SNRNP48: variants seen among roughly 807,000 people sequenced by gnomAD.
SNRNP48 encodes the protein small nuclear ribonucleoprotein U11/U12 subunit 48.
SNRNP48 carries 43 observed loss-of-function variants against 47.0 expected under a neutral mutation model. That is an observed-to-expected ratio of 0.92 (90% CI 0.72 to 1.18). The LOEUF (loss-of-function observed/expected upper bound fraction) is 1.18, where lower values mean the gene tolerates loss of function less well. Among genes scored for constraint, SNRNP48 ranks in the 50% most tolerant of loss-of-function variants. The pLI, the probability that SNRNP48 is intolerant of heterozygous loss-of-function variation, is 0.00. For synonymous variants in SNRNP48, 138 were observed against 144.0 expected, an observed-to-expected ratio of 0.96 and a Z score of 0.30; for missense variants, 396 against 422.2, an observed-to-expected ratio of 0.94 and a Z score of 0.54.
rs1760189885 is a variant in SNRNP48 at position 7,609,315 on chromosome 6, T to C, written c.*442T>C. 1 of 152,394 alleles carries C rather than the reference T, an allele frequency of 6.6e-6. No individual in the cohort carries two copies. The highest frequency in any genetic ancestry group is 2.1e-4 in the South Asian group (1 of 4,822). 9.4% of individuals were successfully genotyped at this position (152,394 alleles called of 1,614,324 possible). On this transcript the variant is annotated 3_prime_UTR_variant, in exon 9 of 9. Coordinates refer to ENST00000342415, the MANE Select transcript of SNRNP48 (RefSeq NM_152551.4). Reference sequence around the variant, plus strand: ...TGTTTACCACTACACTGGTGAATTGTAGTAGGGAAAAACAATCTAAATATT... The same window carrying C: ...TGTTTACCACTACACTGGTGAATTGCAGTAGGGAAAAACAATCTAAATATT...
intron 5 of SNRNP48, 37 bp downstream of exon 5, chr6:7,601,561 T>G: frequency 6.7e-7 from 1 of 1,492,980 alleles, no homozygotes; most frequent in East Asian, 2.4e-5. Context: ...ATTTCTTCAT[T>G]ATCATTTTAT....
chr6:7,599,389 G>C (rs191352608), intron 4 of SNRNP48, among the ~76,000 whole-genome samples: 1 of 152,218 alleles, frequency 6.6e-6, no homozygotes, highest in East Asian at 1.9e-4. Context: ...TCTCTGAACA[G>C]TACACTGAAA....
intron 8 of SNRNP48, among the ~76,000 whole-genome samples, 171 bp from the exon 9 acceptor site, chr6:7,608,654 T>C (rs1422672400): frequency 6.6e-6 from 1 of 152,186 alleles, no homozygotes; most frequent in East Asian, 1.9e-4. Context: ...AATTCTGCTT[T>C]AAAATTAACT....
At chr6:7,591,838 G>A (rs1005931785) in intron 1 of SNRNP48, among the ~76,000 whole-genome samples, 14 of 152,204 alleles carry the variant, frequency 9.2e-5, no homozygotes, top group Admixed American at 5.2e-4. Context: ...TAGGATTTCC[G>A]CCGGTGTTTT....
In SNRNP48 at chr6:7,600,084, G is replaced by A. The variant is rs1039477737; in HGVS notation, c.407-1252G>A. 2.7e-5 allele frequency: 27 copies of A among 996,072 alleles called. No individual in the cohort carries two copies. The African/African-American group carries it at 3.7e-4, about 14-fold the overall frequency. 61.7% of individuals were successfully genotyped at this position (996,072 alleles called of 1,614,324 possible). A position where few individuals can be genotyped will look rare whatever the true frequency, so the allele number is the denominator to read the frequency against. On this transcript the variant is annotated intron_variant, in intron 4 of 8. Coordinates refer to ENST00000342415, the MANE Select transcript of SNRNP48 (RefSeq NM_152551.4). ...TTTTTATAATTTTGTATTATGAAAT[G>A]CCTACTATAATTAGAATAAAATTGA...
intron 4 of SNRNP48, among the ~76,000 whole-genome samples, chr6:7,598,497 A>G (rs1473198816): frequency 2.6e-5 from 4 of 152,082 alleles, no homozygotes; most frequent in Admixed American, 2.6e-4. Flanking sequence ...TCTGTCTCAA[A>G]AAAAGAAAAA....
chr6:7,606,988 C>T (rs1452458207), intron 8 of SNRNP48, among the ~76,000 whole-genome samples: 1 of 152,180 alleles, frequency 6.6e-6, no homozygotes, highest in Non-Finnish European at 1.5e-5. Flanking sequence ...ATTCCATTCC[C>T]TTGTATACTG....
chr6:7,590,879 G>T (rs887649192), intron 1 of SNRNP48, among the ~76,000 whole-genome samples: 3 of 152,160 alleles, frequency 2.0e-5, no homozygotes, highest in Non-Finnish European at 4.4e-5. Flanking sequence ...TTGGGAGGCT[G>T]GGGTGGAAGG....
At chr6:7,607,972 C>T (rs1239992416) in intron 8 of SNRNP48, among the ~76,000 whole-genome samples, 1 of 152,172 alleles carries the variant, frequency 6.6e-6, no homozygotes, top group Non-Finnish European at 1.5e-5. Context: ...TTTATAATAA[C>T]TATAGTGCTT....
At chr6:7,590,436 C>T (rs1759795127) in intron 1 of SNRNP48, 23 bp downstream of exon 1, 3 of 1,279,682 alleles carry the variant, frequency 2.3e-6, no homozygotes, top group Middle Eastern at 2.0e-4. Flanking sequence ...GCCGCGGGGC[C>T]CTTTCGGGGA....
At chr6:7,608,362 GC>G (rs1346107671) in intron 8 of SNRNP48, among the ~76,000 whole-genome samples, 1 of 152,130 alleles carries the variant, frequency 6.6e-6, no homozygotes, top group East Asian at 1.9e-4. Context: ...TTCGAGACCA[GC>G]CTGGTCAACA....
chr6:7,602,059 G>T (rs1280845536), intron 5 of SNRNP48, among the ~76,000 whole-genome samples: 1 of 152,008 alleles, frequency 6.6e-6, no homozygotes, highest in Non-Finnish European at 1.5e-5. Flanking sequence ...TTGCTACGCT[G>T]GCCAGGCTGG....
rs1760117574 is a variant in SNRNP48, at chr6:7,606,013, T to G, written c.807-18T>G. 4 of 1,586,990 alleles carry G rather than the reference T, an allele frequency of 2.5e-6. No individual in the cohort carries two copies. Among genetic ancestry groups the G allele is most frequent in the Non-Finnish European group, 3.4e-6 (4 of 1,171,486 alleles). On this transcript the variant is annotated intron_variant, in intron 7 of 8. Transcript: ENST00000342415. Reference sequence around the variant, plus strand: ...CAGTGGTAACACAAACTGATTAACATTCTTTTCTGTGTTTTAGGAATGAAG... The same window carrying G: ...CAGTGGTAACACAAACTGATTAACAGTCTTTTCTGTGTTTTAGGAATGAAG...
At chr6:7,595,177 T>C in intron 4 of SNRNP48, 76 bp downstream of exon 4, 1 of 1,300,000 alleles carries the variant, frequency 7.7e-7, no homozygotes, top group Non-Finnish European at 1.1e-6. Context: ...CTAATTTTCT[T>C]CAAGAAAAAC....
In SNRNP48 at chr6:7,601,468, A is replaced by G; in HGVS notation, c.539A>G (p.Gln180Arg). ...ACAAAGAAAAAGCGCTCTGATTCTC[A>G]AATTATTGAAAATGACAGCGATCTC... ...EETKKKRSDS[Q>R]IIENDSDLFV... Residue 180 changes from glutamine to arginine, a missense_variant, in exon 5 of 9, where the codon CAA becomes CGA. Gln to Arg is a conservative substitution (Grantham distance 43, BLOSUM62 1). Transcript: ENST00000342415. 6.3e-7 allele frequency: 1 copy of G among 1,599,738 alleles called. No individual in the cohort carries two copies. The highest frequency in any genetic ancestry group is 8.5e-7 in the Non-Finnish European group (1 of 1,176,918).
At position 7,590,329 on chromosome 6, in the gene SNRNP48, C is replaced by A; in HGVS notation, c.72C>A (p.Ser24Arg). 1 of 1,406,094 alleles carries A rather than the reference C, an allele frequency of 7.1e-7. No individual in the cohort carries two copies. Among genetic ancestry groups the A allele is most frequent in the Non-Finnish European group, 9.4e-7 (1 of 1,066,064 alleles). The allele number at this position is 1,406,094 out of a possible 1,614,324, so 87.1% of individuals were successfully genotyped here. ...AGGAGCTGAACGAGTTCGTGGAGAG[C>A]GGCTGCCGGACGTTGGAGGAGGTGA... ...LQEELNEFVE[S>R]GCRTLEEVTA... The change falls in exon 1 of 9, where the codon AGC becomes AGA. Residue 24 changes from serine (S) to arginine (R), a missense_variant. Physicochemically the swap from Ser to Arg is moderately radical, Grantham distance 110. Transcript: ENST00000342415.
intron 8 of SNRNP48, 98 bp from the exon 9 acceptor site, chr6:7,608,727 A>ACTGTTGAAAGTGGTGTATTT: frequency 1.9e-6 from 1 of 536,964 alleles, no homozygotes; most frequent in Non-Finnish European, 3.1e-6. Context: ...GTAGCATATT[A>ACTGTTGAAAGTGGTGTATTT]CTGTTGAAAG....
chr6:7,606,894 C>T (rs1760138730), intron 8 of SNRNP48, among the ~76,000 whole-genome samples: 1 of 152,216 alleles, frequency 6.6e-6, no homozygotes, highest in South Asian at 2.1e-4. Flanking sequence ...TACTTCCTTC[C>T]ACTCCTTATC....
At chr6:7,608,430 G>A (rs1360441721) in intron 8 of SNRNP48, among the ~76,000 whole-genome samples, 2 of 151,938 alleles carry the variant, frequency 1.3e-5, no homozygotes, top group African/African-American at 2.4e-5. Context: ...GGTGGTTCGC[G>A]CCTGAAATCC....
Sources: allele counts gnomAD v4.1 joint callset (sites outside exome capture counted in the v4.1 genomes callset), GRCh38; gene constraint gnomAD v4.1.1; transcripts MANE v1.5; gene names NCBI Gene and HGNC (gene_info 2026-07-23, HGNC 2026-07-21).